Variants in WDR70 observed in about 807,000 individuals in gnomAD.
WDR70 encodes the protein WD repeat domain 70.
A neutral mutation model predicts 88.6 loss-of-function variants in WDR70; 53 were observed. The ratio of observed to expected loss-of-function variants is 0.60; its 90% CI spans 0.48 to 0.75. The LOEUF is 0.75. Among genes scored for constraint, WDR70 ranks in the 30% least tolerant of loss-of-function variants. The probability of loss-of-function intolerance (pLI) is 0.00; values close to 1 mark genes in which losing one functional copy is unlikely to be tolerated. For missense variants in WDR70, 610 were observed against 823.2 expected, an observed-to-expected ratio of 0.74 and a Z score of 3.17; for synonymous variants, 280 against 270.0, an observed-to-expected ratio of 1.04 and a Z score of -0.36.
At chr5:37,443,802 A>C (rs1030257308) in intron 7 of WDR70, among the ~76,000 whole-genome samples, 1 of 151,632 alleles carries the variant, frequency 6.6e-6, no homozygotes, top group African/African-American at 2.4e-5. Flanking sequence ...CAGTGAGCTG[A>C]GATTGTGCCA....
intron 5 of WDR70, among the ~76,000 whole-genome samples, chr5:37,408,720 T>A (rs184585191): frequency 0.011 from 1,686 of 152,210 alleles, 17 homozygotes; most frequent in Non-Finnish European, 0.018. Context: ...TTATTTTGAA[T>A]TTTTTTGGGT....
chr5:37,608,706 C>T (rs533318471), intron 10 of WDR70, among the ~76,000 whole-genome samples: 67 of 152,212 alleles, frequency 4.4e-4, no homozygotes, highest in South Asian at 3.7e-3. Flanking sequence ...CACGGGCATG[C>T]GCCACCATGC....
chr5:37,699,521 A>C (rs929633638), intron 11 of WDR70, among the ~76,000 whole-genome samples: 1 of 152,094 alleles, frequency 6.6e-6, no homozygotes, highest in African/African-American at 2.4e-5. Context: ...ATGGAAGTCT[A>C]TTCAGCAAAG....
chr5:37,725,562 A>G (rs1383948331), intron 16 of WDR70, among the ~76,000 whole-genome samples: 2 of 152,124 alleles, frequency 1.3e-5, no homozygotes, highest in African/African-American at 4.8e-5. Flanking sequence ...ACTGGCTAAT[A>G]GTATAGCACG....
At chr5:37,418,206 A>AATTTTATTTT (rs61031749) in intron 5 of WDR70, among the ~76,000 whole-genome samples, 3 of 151,866 alleles carry the variant, frequency 2.0e-5, no homozygotes, top group African/African-American at 7.3e-5. Flanking sequence ...TTGAATTATG[A>AATTTTATTTT]ATTTTATTTT....
chr5:37,495,344 G>A (rs1387368629), intron 8 of WDR70, among the ~76,000 whole-genome samples: 2 of 152,072 alleles, frequency 1.3e-5, no homozygotes, highest in East Asian at 1.9e-4. Context: ...CTATCATTCA[G>A]TAACTACAGA....
At chr5:37,521,306 C>CAAT (rs10680611) in intron 9 of WDR70, among the ~76,000 whole-genome samples, 137,111 of 152,076 alleles carry the variant, frequency 0.9, 63,435 homozygotes, top group East Asian at 1. Flanking sequence ...CAGTGATACA[C>CAAT]AAACATTTAA....
chr5:37,416,274 C>T lies in WDR70; in HGVS notation c.492+19704C>T, dbSNP rs4607372. ...CTGCAATCCCGGCACCTCGGGAGGC[C>T]GAGGCTGGCGGATCACTCGCTGTTA... On this transcript the variant is annotated intron_variant, in intron 5 of 17. Coordinates refer to ENST00000265107, the MANE Select transcript of WDR70 (RefSeq NM_018034.4). Among the ~76,000 whole-genome samples, 585 of 152,200 alleles carry T rather than the reference C, an allele frequency of 3.8e-3. 3 individuals are homozygous for T. Among genetic ancestry groups the T allele is most frequent in the Non-Finnish European group, 6.0e-3 (410 of 68,030 alleles).
At chr5:37,686,988 C>G (rs1223666623) in intron 10 of WDR70, among the ~76,000 whole-genome samples, 1 of 139,636 alleles carries the variant, frequency 7.2e-6, no homozygotes, top group Admixed American at 7.1e-5. Flanking sequence ...TAATAATAAG[C>G]CTATATAAGG....
chr5:37,589,298 A>T (rs1193206560), intron 9 of WDR70, among the ~76,000 whole-genome samples: 1 of 141,426 alleles, frequency 7.1e-6, no homozygotes, highest in East Asian at 2.1e-4. Flanking sequence ...GATATATTTA[A>T]TATATATAAA....
intron 7 of WDR70, among the ~76,000 whole-genome samples, chr5:37,465,660 T>G (rs1739129671): frequency 7.4e-5 from 1 of 13,522 alleles, no homozygotes; most frequent in African/African-American, 8.0e-5. Context: ...TGTCATGAGT[T>G]TTTTTTTTTT....
intron 5 of WDR70, among the ~76,000 whole-genome samples, chr5:37,432,771 G>A (rs1182938051): frequency 6.6e-6 from 1 of 151,830 alleles, no homozygotes; most frequent in African/African-American, 2.4e-5. Flanking sequence ...ATGTTGGCCA[G>A]GGTGGTCTTG....
chr5:37,438,122 A>G, intron 6 of WDR70, 141 bp downstream of exon 6: 1 of 571,814 alleles, frequency 1.7e-6, no homozygotes, highest in Non-Finnish European at 2.7e-6. Context: ...GGAAAAATAG[A>G]TTACTTTTAT....
At chr5:37,618,861 A>T (rs185057937) in intron 10 of WDR70, among the ~76,000 whole-genome samples, 390 of 152,312 alleles carry the variant, frequency 2.6e-3, no homozygotes, top group Non-Finnish European at 4.8e-3. Context: ...AGGTGGAAGC[A>T]GGGTGACTGG....
intron 5 of WDR70, among the ~76,000 whole-genome samples, chr5:37,432,212 A>G (rs1176172645): frequency 6.6e-6 from 1 of 151,998 alleles, no homozygotes; most frequent in African/African-American, 2.4e-5. Context: ...CCTTACCAAC[A>G]CTTGTTATTT....
intron 17 of WDR70, among the ~76,000 whole-genome samples, chr5:37,727,315 A>G (rs1204465404): frequency 6.6e-6 from 1 of 152,194 alleles, no homozygotes; most frequent in Non-Finnish European, 1.5e-5. Context: ...TGATTAAAAC[A>G]AACAACAAAC....
chr5:37,550,562 CT>C (rs1742112646), intron 9 of WDR70, among the ~76,000 whole-genome samples: 1 of 152,170 alleles, frequency 6.6e-6, no homozygotes, highest in South Asian at 2.1e-4. Flanking sequence ...GCTACTCCTG[CT>C]CTTTTTTGGT....
In WDR70 at chr5:37,503,440, C is replaced by A. The variant is rs572788704; in HGVS notation, c.841-13074C>A. Among the ~76,000 whole-genome samples the A allele has an allele frequency of 1.1e-3, 172 of 152,224 alleles. 1 individual carries two copies. The highest frequency in any genetic ancestry group is 4.0e-3 in the African/African-American group (167 of 41,520). ...CTCCCACCCTCCACCCTCTGATAGG[C>A]CCCAGTTTGTGTTCTTCCCCTCTAT... On this transcript the variant is annotated intron_variant, in intron 8 of 17. Transcript: ENST00000265107.
intron 8 of WDR70, among the ~76,000 whole-genome samples, chr5:37,484,710 C>T (rs1386337136): frequency 6.6e-6 from 1 of 152,088 alleles, no homozygotes; most frequent in Non-Finnish European, 1.5e-5. Flanking sequence ...GTATGAAAAA[C>T]ATTTATTTTT....
Sources: allele counts gnomAD v4.1 joint callset (sites outside exome capture counted in the v4.1 genomes callset), GRCh38; gene constraint gnomAD v4.1.1; transcripts MANE v1.5; gene names NCBI Gene and HGNC (gene_info 2026-07-23, HGNC 2026-07-21).